The following SEC16B variants were observed in gnomAD, a reference collection of about 807,000 sequenced individuals.
SEC16B encodes SEC16 homolog B, endoplasmic reticulum export factor, also known as protein transport protein Sec16B.
SEC16B carries 115 observed loss-of-function variants against 141.8 expected under a neutral mutation model. The observed-to-expected ratio is 0.81, with a 90% CI of 0.70 to 0.95. The LOEUF (loss-of-function observed/expected upper bound fraction) is 0.95. Ranked by LOEUF, SEC16B falls within the 40% of genes least tolerant of loss-of-function variation. The pLI is 0.00. For missense variants in SEC16B, 1,291 were observed against 1,312.3 expected (o/e 0.98, Z 0.25); for synonymous variants, 493 against 492.5 (o/e 1.00, Z -0.01).
chr1:177,939,820 A>G, intron 17 of SEC16B, 43 bp from the exon 18 acceptor site: 2 of 1,415,890 alleles, frequency 1.4e-6, no homozygotes, highest in Non-Finnish European at 1.9e-6. Flanking sequence ...AGCACAAAGG[A>G]AAAACAAGAA....
intron 17 of SEC16B, 30 bp downstream of exon 17, chr1:177,940,580 C>G: frequency 1.3e-6 from 2 of 1,513,404 alleles, no homozygotes; most frequent in South Asian, 2.3e-5. Context: ...AGGCCAGTCC[C>G]CCCAACGCCC....
At chr1:177,967,450 T>C (rs577106585) in intron 2 of SEC16B, among the ~76,000 whole-genome samples, 108 of 152,324 alleles carry the variant, frequency 7.1e-4, no homozygotes, top group Non-Finnish European at 8.7e-4. Flanking sequence ...CAGTGGCATT[T>C]GTGATGGCTT....
chr1:177,937,011 AG>A (rs1423334979), intron 19 of SEC16B, among the ~76,000 whole-genome samples: 1 of 152,078 alleles, frequency 6.6e-6, no homozygotes, highest in African/African-American at 2.4e-5. Flanking sequence ...GCTGGAAGAT[AG>A]CAATCTCCTT....
intron 12 of SEC16B, among the ~76,000 whole-genome samples, chr1:177,949,861 A>G (rs1235518161): frequency 1.3e-5 from 2 of 152,114 alleles, no homozygotes; most frequent in Non-Finnish European, 2.9e-5. Flanking sequence ...GAAACTCCCT[A>G]AGATCAAATA....
intron 8 of SEC16B, chr1:177,959,698 A>G (rs1271216027): frequency 6.5e-6 from 1 of 153,948 alleles, no homozygotes; most frequent in Non-Finnish European, 1.4e-5. Context: ...GTGTTATACC[A>G]TTTCTCAAGG....
chr1:177,961,502 C>T, intron 6 of SEC16B, 88 bp downstream of exon 6: 1 of 1,388,532 alleles, frequency 7.2e-7, no homozygotes, highest in Non-Finnish European at 9.8e-7. Context: ...GGACAATGAT[C>T]CATCGTAAGG....
intron 10 of SEC16B, among the ~76,000 whole-genome samples, chr1:177,955,689 T>A (rs1652547278): frequency 6.6e-6 from 1 of 152,200 alleles, no homozygotes; most frequent in Non-Finnish European, 1.5e-5. Context: ...TGAAACACAC[T>A]GTGGTGAGAA....
intron 8 of SEC16B, chr1:177,959,312 A>G: frequency 5.8e-6 from 2 of 344,234 alleles, no homozygotes; most frequent in South Asian, 5.2e-5. Flanking sequence ...CTGTTTAGAC[A>G]AGTTTCTTAC....
intron 15 of SEC16B, among the ~76,000 whole-genome samples, chr1:177,944,063 C>A (rs1651484850): frequency 6.6e-6 from 1 of 152,206 alleles, no homozygotes; most frequent in Non-Finnish European, 1.5e-5. Context: ...ACACCACCCA[C>A]ACAGCTGATG....
chr1:177,940,533 A>G, intron 17 of SEC16B, 77 bp downstream of exon 17: 1 of 1,011,350 alleles, frequency 9.9e-7, no homozygotes, highest in Non-Finnish European at 1.5e-6. Flanking sequence ...GTCAGTGCCT[A>G]CCTGTTCCAT....
chr1:177,960,951 C>A lies in SEC16B; in HGVS notation c.788-12G>T, dbSNP rs1235266912. The A allele has an allele frequency of 2.6e-6, 4 of 1,513,328 alleles. No homozygotes were observed. In the South Asian group the frequency reaches 4.6e-5, roughly 17 times the overall value. 93.7% of individuals were successfully genotyped at this position (1,513,328 alleles called of 1,614,324 possible). ...AGCTGAGGAGACATCTTCTGACCAA[C>A]AGACACAGATGGACATTGTTAGCGT... On this transcript the variant is annotated splice_polypyrimidine_tract_variant and intron_variant, in intron 6 of 25. Coordinates refer to ENST00000308284, the MANE Select transcript of SEC16B (RefSeq NM_033127.4).
In SEC16B at chr1:177,951,896, A is replaced by G; in HGVS notation, c.1545+18T>C. ...CTTGGGATGCCTGGGTGATAAAGGAATCCTGTCATAGGGGTACCGTGGCTG... is the reference window on the plus strand; with the variant it reads ...CTTGGGATGCCTGGGTGATAAAGGAGTCCTGTCATAGGGGTACCGTGGCTG... On this transcript the variant is annotated intron_variant, in intron 12 of 25. Transcript: ENST00000308284. 1 of 1,586,124 alleles carries G rather than the reference A, an allele frequency of 6.3e-7. No homozygotes were observed. Among genetic ancestry groups the G allele is most frequent in the South Asian group, 1.2e-5 (1 of 86,608 alleles).
rs1381162099 is a variant in SEC16B at position 177,966,717 on chromosome 1, C to T, written c.300-712G>A. 3.3e-5 allele frequency among the ~76,000 whole-genome samples: 5 copies of T among 152,066 alleles called. No homozygotes were observed. The South Asian group carries it at 6.3e-4, about 19-fold the overall frequency. On this transcript the variant is annotated intron_variant, in intron 2 of 25. Transcript: ENST00000308284. ...AGCTGGGATTACAGGCATGCACCACCGCGCCCAGCTAATTTTTTTGTTTTG... is the reference window on the plus strand; with the variant it reads ...AGCTGGGATTACAGGCATGCACCACTGCGCCCAGCTAATTTTTTTGTTTTG...
At chr1:177,930,374 G>T (rs1303414307) in intron 25 of SEC16B, among the ~76,000 whole-genome samples, 171 bp downstream of exon 25, 1 of 152,120 alleles carries the variant, frequency 6.6e-6, no homozygotes, top group Non-Finnish European at 1.5e-5. Context: ...ATATCTCTGA[G>T]CTAGCTACTA....
At chr1:177,950,132 C>T (rs1288584309) in intron 12 of SEC16B, among the ~76,000 whole-genome samples, 1 of 139,254 alleles carries the variant, frequency 7.2e-6, no homozygotes, top group African/African-American at 2.9e-5. Flanking sequence ...TTGGAATTAG[C>T]CACAAGCCAT....
chr1:177,938,118 A>G lies in SEC16B; in HGVS notation c.2204-605T>C, dbSNP rs144903088. 1.9e-3 allele frequency among the ~76,000 whole-genome samples: 282 copies of G among 152,314 alleles called. 2 individuals carry two copies. The highest frequency in any genetic ancestry group is 6.7e-3 in the African/African-American group (278 of 41,564). ...GCCTCAAGATGAGCAATGTTAGAAC[A>G]ATTACAACTCATTCCATTCACAAAT... On this transcript the variant is annotated intron_variant, in intron 18 of 25. Transcript: ENST00000308284.
Position 177,965,282 on chromosome 1 carries a change from A to G in SEC16B, c.413-115T>C. 3 of 1,293,340 alleles carry G rather than the reference A, an allele frequency of 2.3e-6. No homozygotes were observed. The South Asian group carries it at 4.3e-5, about 18-fold the overall frequency. The allele number at this position is 1,293,340 out of a possible 1,614,324, so 80.1% of individuals were successfully genotyped here. Reference sequence around the variant, plus strand: ...TGGAGCACAGTAGATCTAAAAACATATTTTCCAAATTGAAAAAATAGATAG... The same window carrying G: ...TGGAGCACAGTAGATCTAAAAACATGTTTTCCAAATTGAAAAAATAGATAG... On this transcript the variant is annotated intron_variant, in intron 3 of 25. Coordinates refer to ENST00000308284, the MANE Select transcript of SEC16B (RefSeq NM_033127.4).
chr1:177,936,308 G>A lies in SEC16B; in HGVS notation c.2561C>T (p.Ser854Phe), dbSNP rs1650837270. 1 of 1,610,104 alleles carries A rather than the reference G, an allele frequency of 6.2e-7. No individual in the cohort carries two copies. The highest frequency in any genetic ancestry group is 1.7e-5 in the Admixed American group (1 of 59,564). ...SQPPDGQEVI[S>F]KPQTPLAARP... ...GCTGTGCGCTCTCACCTGTGGTTTG[G>A]AAATGACCTCTTGGCCATCAGGAGG... The change falls in exon 20 of 26, where the codon TCC becomes TTC. Residue 854 changes from serine (S) to phenylalanine (F), a missense_variant. Transcript: ENST00000308284.
At chr1:177,951,151 T>A (rs1221891889) in intron 12 of SEC16B, among the ~76,000 whole-genome samples, 1 of 152,204 alleles carries the variant, frequency 6.6e-6, no homozygotes, top group Non-Finnish European at 1.5e-5. Context: ...TACATGGAAT[T>A]CCTGAAAAGG....
Sources: allele counts gnomAD v4.1 joint callset (sites outside exome capture counted in the v4.1 genomes callset), GRCh38; gene constraint gnomAD v4.1.1; transcripts MANE v1.5; gene names NCBI Gene and HGNC (gene_info 2026-07-23, HGNC 2026-07-21).